The following ZNF214 variants were observed in gnomAD, a reference collection of about 807,000 sequenced individuals.
The protein encoded by ZNF214 is zinc finger protein 214, also known as BWSCR2-associated zinc finger protein 1.
A neutral mutation model predicts 53.9 loss-of-function variants in ZNF214; 43 were observed. The observed-to-expected ratio is 0.80, with a 90% CI of 0.63 to 1.03. The LOEUF (loss-of-function observed/expected upper bound fraction) is 1.03. ZNF214 is among the 50% of genes least tolerant of loss of function. The pLI is 0.00. For synonymous variants in ZNF214, 217 were observed against 229.5 expected, an observed-to-expected ratio of 0.95 and a Z score of 0.49; for missense variants, 724 against 719.1, an observed-to-expected ratio of 1.01 and a Z score of -0.08.
chr11:7,014,934 G>A (rs1018488090), intron 1 of ZNF214, among the ~76,000 whole-genome samples: 20 of 151,784 alleles, frequency 1.3e-4, no homozygotes, highest in African/African-American at 4.6e-4. Context: ...AGTGTATGCC[G>A]AGTTCAATGG....
At chr11:7,006,805 A>G (rs902827121) in intron 1 of ZNF214, among the ~76,000 whole-genome samples, 18 of 151,932 alleles carry the variant, frequency 1.2e-4, no homozygotes, top group African/African-American at 4.1e-4. Flanking sequence ...TATAGATTTC[A>G]ATTTCACACA....
In ZNF214 at chr11:6,998,204, A is replaced by G. The variant is rs1444484678; in HGVS notation, c.*1658T>C. ...GTTACTGTTGCAGAGCTCTGTATCC[A>G]CCCTCCCTTTCTGGTTTTGCAGATA... On this transcript the variant is annotated 3_prime_UTR_variant, in exon 3 of 3. Transcript: ENST00000278314. Among the ~76,000 whole-genome samples, 1 of 151,488 alleles carries G rather than the reference A, an allele frequency of 6.6e-6. No individual in the cohort carries two copies. The highest frequency in any genetic ancestry group is 2.4e-5 in the African/African-American group (1 of 41,248).
Position 7,001,016 on chromosome 11 carries a change from T to G in ZNF214, c.667A>C (p.Lys223Gln). ...SMEEKYCGCN[K>Q]CKGIYYWNSR... ...TTCCAATAATAAATTCCTTTACATT[T>G]ATTACATCCACAGTACTTTTCTTCC... Residue 223 changes from lysine to glutamine, a missense_variant, in exon 3 of 3, where the codon AAA (lysine) becomes CAA (glutamine). By Grantham distance (53) the Lys-to-Gln change is moderately conservative (BLOSUM62 1). Transcript: ENST00000278314. The G allele has an allele frequency of 6.2e-7, 1 of 1,613,172 alleles. No homozygotes were observed.
intron 1 of ZNF214, among the ~76,000 whole-genome samples, chr11:7,006,447 G>A (rs183544308): frequency 6.4e-4 from 97 of 152,102 alleles, no homozygotes; most frequent in Non-Finnish European, 8.7e-4. Flanking sequence ...TATACATCTG[G>A]AGTTTTGATT....
chr11:6,998,632 T>G lies in ZNF214; in HGVS notation c.*1230A>C, dbSNP rs1564986343. On this transcript the variant is annotated 3_prime_UTR_variant, in exon 3 of 3. Coordinates refer to ENST00000278314, the MANE Select transcript of ZNF214 (RefSeq NM_013249.4). ...TTGTTGTATCTATTTCTCTTTTCAC[T>G]TTAGATACTCTTCTCTACTTGTATA... Among the ~76,000 whole-genome samples, 1 of 151,982 alleles carries G rather than the reference T, an allele frequency of 6.6e-6. No homozygotes were observed. Among genetic ancestry groups the G allele is most frequent in the African/African-American group, 2.4e-5 (1 of 41,412 alleles).
In ZNF214 at chr11:6,998,342, GA is replaced by G. The variant is rs1487598001; in HGVS notation, c.*1519del. ...AGTGACCATATACTTTTAACTCAGA[GA>G]AAGTTTCTTAATGTCTTTGATCATT... On this transcript the variant is annotated 3_prime_UTR_variant, in exon 3 of 3. Transcript: ENST00000278314. Among the ~76,000 whole-genome samples the G allele has an allele frequency of 6.6e-6, 1 of 151,896 alleles. No individual in the cohort carries two copies. The highest frequency in any genetic ancestry group is 1.9e-4 in the East Asian group (1 of 5,180).
Position 6,998,393 on chromosome 11 carries a change from C to T in ZNF214, c.*1469G>A, listed in dbSNP as rs1333969733. ...TGATTCTATGCCAAATGTTCTTTCA[C>T]CTTCCTTAGAGACACCTTTAATTCT... On this transcript the variant is annotated 3_prime_UTR_variant, in exon 3 of 3. Coordinates refer to ENST00000278314, the MANE Select transcript of ZNF214 (RefSeq NM_013249.4). Among the ~76,000 whole-genome samples the T allele has an allele frequency of 2.0e-5, 3 of 151,938 alleles. No individual in the cohort carries two copies. Among genetic ancestry groups the T allele is most frequent in the Non-Finnish European group, 4.4e-5 (3 of 67,926 alleles).
At chr11:7,016,668 T>A (rs1851777783) in intron 1 of ZNF214, among the ~76,000 whole-genome samples, 1 of 152,204 alleles carries the variant, frequency 6.6e-6, no homozygotes, top group South Asian at 2.1e-4. Context: ...TGTGTATGTG[T>A]AATTTGTATA....
chr11:7,014,687 C>T (rs1851707186), intron 1 of ZNF214, among the ~76,000 whole-genome samples: 1 of 151,654 alleles, frequency 6.6e-6, no homozygotes, highest in Admixed American at 6.6e-5. Flanking sequence ...CTGATTTAGG[C>T]TGGGCATGGT....
chr11:7,006,058 T>C (rs1200453954), intron 1 of ZNF214, among the ~76,000 whole-genome samples: 1 of 152,080 alleles, frequency 6.6e-6, no homozygotes, highest in Non-Finnish European at 1.5e-5. Context: ...GATTCTTACA[T>C]ACTGGATGGA....
intron 1 of ZNF214, among the ~76,000 whole-genome samples, chr11:7,004,202 AATAAC>A (rs1226843679): frequency 3.9e-5 from 6 of 151,982 alleles, no homozygotes; most frequent in African/African-American, 1.4e-4. Flanking sequence ...AAAATACTGA[AATAAC>A]ATAAGTAAAA....
intron 1 of ZNF214, among the ~76,000 whole-genome samples, chr11:7,010,703 CAAAT>C (rs945074447): frequency 5.8e-5 from 8 of 137,330 alleles, no homozygotes; most frequent in African/African-American, 1.6e-4. Context: ...ATATAAGAAA[CAAAT>C]AAATGATTGA....
In ZNF214 at chr11:7,000,750, G is replaced by A. The variant is rs1275496095; in HGVS notation, c.933C>T (p.Ser311=). The A allele has an allele frequency of 1.1e-5, 18 of 1,610,622 alleles. No homozygotes were observed. In the South Asian group the frequency reaches 1.8e-4, roughly 16 times the overall value. ...VPYSCNACGK[S]FSQISSLHNH... ...TGTGAAGACTAGAGATCTGGCTGAA[G>A]CTCTTACCACATGCATTACAGCTAT... The change falls in exon 3 of 3, where the codon AGC becomes AGT. Residue 311 remains serine, a synonymous_variant. Transcript: ENST00000278314.
chr11:7,014,803 A>AC (rs1299601412), intron 1 of ZNF214, among the ~76,000 whole-genome samples: 4 of 116,572 alleles, frequency 3.4e-5, no homozygotes, highest in Non-Finnish European at 7.4e-5. Flanking sequence ...CCTGTCTCTA[A>AC]CAAAAAAAAA....
chr11:7,006,559 T>C (rs1359272188), intron 1 of ZNF214, among the ~76,000 whole-genome samples: 1 of 152,102 alleles, frequency 6.6e-6, no homozygotes, highest in African/African-American at 2.4e-5. Context: ...ATCTTAACTA[T>C]TGAACATTAT....
intron 1 of ZNF214, among the ~76,000 whole-genome samples, chr11:7,018,822 T>C (rs1256066401): frequency 1.3e-5 from 2 of 152,178 alleles, no homozygotes; most frequent in African/African-American, 4.8e-5. Context: ...TATAATTCTT[T>C]ATCTCAGAAC....
At position 6,999,917 on chromosome 11, in the gene ZNF214, T is replaced by A. The variant is rs780956705; in HGVS notation, c.1766A>T (p.Lys589Met). The A allele has an allele frequency of 8.7e-6, 14 of 1,612,640 alleles. No individual in the cohort carries two copies. In the South Asian group the frequency reaches 1.3e-4, roughly 15 times the overall value. ...AAGATGTGAATTATGATCAAATCCCTTATAATATTCACGGCATTTGTAAGG... is the reference window on the plus strand; with the variant it reads ...AAGATGTGAATTATGATCAAATCCCATATAATATTCACGGCATTTGTAAGG... ...EKPYKCREYY[K>M]GFDHNSHLHN... is the part of the protein sequence containing the mutation. The change falls in exon 3 of 3, where the codon AAG becomes ATG. Residue 589 changes from lysine (K) to methionine (M), a missense_variant. Physicochemically the swap from Lys to Met is moderately conservative, Grantham distance 95. Transcript: ENST00000278314.
intron 1 of ZNF214, among the ~76,000 whole-genome samples, chr11:7,017,342 T>C (rs1262915518): frequency 2.0e-5 from 3 of 152,198 alleles, no homozygotes; most frequent in South Asian, 4.1e-4. Context: ...TTATATCCTT[T>C]GATTCTGTTT....
rs1313563268 is a variant in ZNF214, at chr11:7,000,271, G to A, written c.1412C>T (p.Thr471Ile). The A allele has an allele frequency of 6.2e-6, 10 of 1,612,606 alleles. No individual in the cohort carries two copies. The highest frequency in any genetic ancestry group is 8.5e-6 in the Non-Finnish European group (10 of 1,179,444). Reference protein sequence around the residue: ...QRVHTGEKPYTCPECGKGFSK... With the variant: ...QRVHTGEKPYICPECGKGFSK... ...GAAGCCCTTCCCACATTCAGGACAA[G>A]TATAGGGTTTCTCCCCTGTATGGAC... The change falls in exon 3 of 3, where the codon ACT becomes ATT. Residue 471 changes from threonine (T) to isoleucine (I), a missense_variant. Coordinates refer to ENST00000278314, the MANE Select transcript of ZNF214 (RefSeq NM_013249.4).
Sources: gnomAD v4.1 joint callset for allele counts (sites outside exome capture counted in the v4.1 genomes callset) on GRCh38, gnomAD v4.1.1 for gene constraint, MANE v1.5 for transcripts, NCBI Gene and HGNC (gene_info 2026-07-23, HGNC 2026-07-21) for gene names.